The following DSG3 variants were observed in gnomAD, a reference collection of about 807,000 sequenced individuals.
DSG3 encodes desmoglein-3.
DSG3 carries 63 observed loss-of-function variants against 85.9 expected under a neutral mutation model. That is an observed-to-expected ratio of 0.73 (90% CI 0.60 to 0.90). The LOEUF is 0.90. Ranked by LOEUF, DSG3 falls within the 40% of genes least tolerant of loss-of-function variation. The pLI, the probability that DSG3 is intolerant of heterozygous loss-of-function variation, is 0.00. For synonymous variants in DSG3, 447 were observed against 441.9 expected, an observed-to-expected ratio of 1.01 and a Z score of -0.14; for missense variants, 1,220 against 1,219.9, an observed-to-expected ratio of 1.00 and a Z score of 0.00.
intron 1 of DSG3, among the ~76,000 whole-genome samples, chr18:31,450,753 G>A (rs1440698412): frequency 6.6e-6 from 1 of 152,176 alleles, no homozygotes; most frequent in Non-Finnish European, 1.5e-5. Context: ...AATGAAAATG[G>A]TCATAGTGAG....
intron 11 of DSG3, among the ~76,000 whole-genome samples, chr18:31,468,090 G>T (rs1476769734): frequency 6.6e-6 from 1 of 152,218 alleles, no homozygotes; most frequent in Non-Finnish European, 1.5e-5. Flanking sequence ...GGATCAAAAA[G>T]ATTCAACAAA....
chr18:31,475,767 T>C lies in DSG3; in HGVS notation c.2507T>C (p.Phe836Ser), dbSNP rs1260643792. The change falls in exon 16 of 16, where the codon TTT becomes TCT. Residue 836 changes from phenylalanine (F) to serine (S), a missense_variant. By Grantham distance (155) the Phe-to-Ser change is radical (BLOSUM62 -2). Coordinates refer to ENST00000257189, the MANE Select transcript of DSG3 (RefSeq NM_001944.3). ...GTGGGCTCCGTGGGTTGTTGCAGTT[T>C]TATTGCTGATGACCTGGATGACAGC... Reference protein sequence around the residue: ...SPVGSVGCCSFIADDLDDSFL... With the variant: ...SPVGSVGCCSSIADDLDDSFL... 1 of 1,614,166 alleles carries C rather than the reference T, an allele frequency of 6.2e-7. No homozygotes were observed. Among genetic ancestry groups the C allele is most frequent in the Admixed American group, 1.7e-5 (1 of 60,010 alleles).
At chr18:31,454,740 A>G (rs1324333784) in intron 1 of DSG3, among the ~76,000 whole-genome samples, 3 of 151,420 alleles carry the variant, frequency 2.0e-5, no homozygotes, top group Non-Finnish European at 4.4e-5. Context: ...CACACCTGTA[A>G]TCCCAGCACT....
chr18:31,472,667 A>G lies in DSG3; in HGVS notation c.2038-58A>G. ...AATTTGCAAAGGGCCACATGTCACT[A>G]TATTGCTCTGAAATCTGGTTCACTT... On this transcript the variant is annotated intron_variant, in intron 13 of 15. Coordinates refer to ENST00000257189, the MANE Select transcript of DSG3 (RefSeq NM_001944.3). 1.1e-5 allele frequency: 17 copies of G among 1,559,748 alleles called. 1 individual carries two copies. In the South Asian group the frequency reaches 1.9e-4, roughly 18 times the overall value.
rs1029986357 is a variant in DSG3, at chr18:31,475,868, G to T, written c.2608G>T (p.Val870Phe). The change falls in exon 16 of 16, where the codon GTT becomes TTT. Residue 870 changes from valine to phenylalanine, a missense_variant. Physicochemically the swap from Val to Phe is conservative, Grantham distance 50 (BLOSUM62 -1). Transcript: ENST00000257189. ...SLGVDGEGKEVQPPSKDSGYG... is the reference protein window; with the variant it reads ...SLGVDGEGKEFQPPSKDSGYG... ...TGGTGTTGATGGTGAAGGCAAAGAA[G>T]TTCAGCCACCCTCTAAAGACAGCGG... The T allele has an allele frequency of 1.2e-6, 2 of 1,614,068 alleles. No homozygotes were observed. Among genetic ancestry groups the T allele is most frequent in the African/African-American group, 2.7e-5 (2 of 74,924 alleles).
At chr18:31,448,370 A>T (rs1053144195) in intron 1 of DSG3, among the ~76,000 whole-genome samples, 1 of 152,244 alleles carries the variant, frequency 6.6e-6, no homozygotes, top group Admixed American at 6.5e-5. Context: ...TTTAAAAGTA[A>T]AAAATCGCAG....
rs781126675 is a variant in DSG3 at position 31,465,442 on chromosome 18, G to C, written c.1396G>C (p.Val466Leu). 2 of 1,507,620 alleles carry C rather than the reference G, an allele frequency of 1.3e-6. No individual in the cohort carries two copies. The highest frequency in any genetic ancestry group is 2.8e-5 in the African/African-American group (2 of 70,474). The allele number at this position is 1,507,620 out of a possible 1,614,324, so 93.4% of individuals were successfully genotyped here. Residue 466 changes from valine to leucine, a missense_variant, in exon 10 of 16, where the codon GTT (valine) becomes CTT (leucine). Physicochemically the swap from Val to Leu is conservative, Grantham distance 32 (BLOSUM62 1). Coordinates refer to ENST00000257189, the MANE Select transcript of DSG3 (RefSeq NM_001944.3). Reference protein sequence around the residue: ...FIVNKTITAEVLAIDEYTGKT... With the variant: ...FIVNKTITAELLAIDEYTGKT... ...AGTTAACAAAACAATCACAGCTGAG[G>C]TTCTGGCCATAGATGGTAAGAAAAA...
intron 1 of DSG3, among the ~76,000 whole-genome samples, chr18:31,455,667 A>G (rs982642395): frequency 9.9e-5 from 15 of 152,212 alleles, no homozygotes; most frequent in African/African-American, 3.6e-4. Context: ...AATGCATGCC[A>G]GGCAGAACAG....
At position 31,465,416 on chromosome 18, in the gene DSG3, T is replaced by G. The variant is rs1434069894; in HGVS notation, c.1370T>G (p.Ile457Arg). ...AATATGAACCGAGATTCTACTTTCA[T>G]AGTTAACAAAACAATCACAGCTGAG... ...VKNMNRDSTF[I>R]VNKTITAEVL... is the part of the protein sequence containing the mutation. Residue 457 changes from isoleucine to arginine, a missense_variant, in exon 10 of 16, where the codon ATA (isoleucine) becomes AGA (arginine). By Grantham distance (97) the Ile-to-Arg change is moderately conservative. Transcript: ENST00000257189. The G allele has an allele frequency of 4.2e-5, 65 of 1,541,766 alleles. No individual in the cohort carries two copies. The highest frequency in any genetic ancestry group is 5.5e-5 in the Non-Finnish European group (63 of 1,147,320).
rs1340316678 is a variant in DSG3 at position 31,475,770 on chromosome 18, T to C, written c.2510T>C (p.Ile837Thr). 6.2e-7 allele frequency: 1 copy of C among 1,614,086 alleles called. No individual in the cohort carries two copies. The highest frequency in any genetic ancestry group is 8.5e-7 in the Non-Finnish European group (1 of 1,180,046). Residue 837 changes from isoleucine (I) to threonine (T), a missense_variant, in exon 16 of 16, where the codon ATT (isoleucine) becomes ACT (threonine). Transcript: ENST00000257189. ...PVGSVGCCSF[I>T]ADDLDDSFLD... Reference sequence around the variant, plus strand: ...GGCTCCGTGGGTTGTTGCAGTTTTATTGCTGATGACCTGGATGACAGCTTC... The same window carrying C: ...GGCTCCGTGGGTTGTTGCAGTTTTACTGCTGATGACCTGGATGACAGCTTC...
chr18:31,454,187 A>G (rs2072727886), intron 1 of DSG3, among the ~76,000 whole-genome samples: 1 of 152,314 alleles, frequency 6.6e-6, no homozygotes, highest in African/African-American at 2.4e-5. Flanking sequence ...CATTCTCTGT[A>G]GGGCTAGTCC....
Position 31,460,841 on chromosome 18 carries a change from C to G in DSG3, c.693C>G (p.Ser231Arg). 6.3e-7 allele frequency: 1 copy of G among 1,575,720 alleles called. No individual in the cohort carries two copies. The highest frequency in any genetic ancestry group is 8.6e-7 in the Non-Finnish European group (1 of 1,168,432). Residue 231 changes from serine to arginine, a missense_variant, in exon 7 of 16, where the codon AGC (serine) becomes AGG (arginine). Ser to Arg is a moderately radical substitution (Grantham distance 110, BLOSUM62 -1). Transcript: ENST00000257189. ...LTNSLDREQA[S>R]SYRLVVSGAD... is the part of the protein sequence containing the mutation. ...TTTTTATCCAAAATTAGCAAGCTAG[C>G]AGCTATCGTCTGGTTGTGAGTGGTG...
intron 15 of DSG3, 45 bp downstream of exon 15, chr18:31,474,449 T>A: frequency 1.3e-6 from 2 of 1,543,274 alleles, no homozygotes; most frequent in Non-Finnish European, 1.7e-6. Context: ...TTATTTACAT[T>A]AGAGAACTTT....
Position 31,469,313 on chromosome 18 carries a change from A to G in DSG3, c.1861A>G (p.Ile621Val), listed in dbSNP as rs765956470. The change falls in exon 12 of 16, where the codon ATC becomes GTC. Residue 621 changes from isoleucine (I) to valine (V), a missense_variant. Physicochemically the swap from Ile to Val is conservative, Grantham distance 29. Coordinates refer to ENST00000257189, the MANE Select transcript of DSG3 (RefSeq NM_001944.3). ...CTCAGGGAGGCTGGGGCCTGCCGCC[A>G]TCGGCCTGCTGCTCCTTGGTCTCCT... ...PHSGRLGPAA[I>V]GLLLLGLLLL... 6.2e-7 allele frequency: 1 copy of G among 1,613,418 alleles called. No homozygotes were observed. Among genetic ancestry groups the G allele is most frequent in the Non-Finnish European group, 8.5e-7 (1 of 1,180,040 alleles).
At position 31,465,390 on chromosome 18, in the gene DSG3, A is replaced by G. The variant is rs1477083280; in HGVS notation, c.1344A>G (p.Lys448=). The G allele has an allele frequency of 3.2e-6, 5 of 1,551,570 alleles. No homozygotes were observed. Among genetic ancestry groups the G allele is most frequent in the Non-Finnish European group, 4.3e-6 (5 of 1,149,844 alleles). ...DSKTAEIKFV[K]NMNRDSTFIV... Reference sequence around the variant, plus strand: ...AAACTGCTGAAATCAAATTTGTCAAAAATATGAACCGAGATTCTACTTTCA... The same window carrying G: ...AAACTGCTGAAATCAAATTTGTCAAGAATATGAACCGAGATTCTACTTTCA... The change falls in exon 10 of 16, where the codon AAA becomes AAG. Residue 448 remains lysine (K), a synonymous_variant. Transcript: ENST00000257189.
Position 31,459,999 on chromosome 18 carries a change from T to C in DSG3, c.672T>C (p.Ser224=). 1 of 1,613,502 alleles carries C rather than the reference T, an allele frequency of 6.2e-7. No homozygotes were observed. Among genetic ancestry groups the C allele is most frequent in the Non-Finnish European group, 8.5e-7 (1 of 1,179,728 alleles). ...NTGEVRTLTN[S]LDREQASSYR... is the part of the protein sequence containing the mutation. ...GGGAAGTCCGTACTTTGACCAATTC[T>C]CTTGACCGAGAGGTACAGCAAAGCA... The change falls in exon 6 of 16, where the codon TCT becomes TCC. Residue 224 remains serine, a synonymous_variant. Coordinates refer to ENST00000257189, the MANE Select transcript of DSG3 (RefSeq NM_001944.3).
chr18:31,460,138 A>C, intron 6 of DSG3, 127 bp downstream of exon 6: 2 of 1,004,118 alleles, frequency 2.0e-6, no homozygotes, highest in East Asian at 2.6e-5. Context: ...AACTTGGCTA[A>C]TCTAGGGAAA....
At chr18:31,475,130 A>C (rs7236328) in intron 15 of DSG3, among the ~76,000 whole-genome samples, 18,618 of 152,210 alleles carry the variant, frequency 0.12, 1,176 homozygotes, top group African/African-American at 0.16. Context: ...GAACATAGTT[A>C]TGAAAACAAA....
At chr18:31,473,992 T>C in intron 14 of DSG3, 129 bp from the exon 15 acceptor site, 2 of 833,276 alleles carry the variant, frequency 2.4e-6, no homozygotes, top group Admixed American at 2.7e-5. Flanking sequence ...TCACCTCTAG[T>C]CATATAATTG....
Sources: allele counts gnomAD v4.1 joint callset (sites outside exome capture counted in the v4.1 genomes callset), GRCh38; gene constraint gnomAD v4.1.1; transcripts MANE v1.5; gene names NCBI Gene and HGNC (gene_info 2026-07-23, HGNC 2026-07-21).